F2RL1: variants seen among roughly 807,000 people sequenced by gnomAD.
F2RL1 encodes the protein proteinase-activated receptor 2.
Under a neutral mutation model 21.7 loss-of-function variants are expected in F2RL1, and 16 were observed. The ratio of observed to expected loss-of-function variants is 0.74; its 90% CI spans 0.50 to 1.12. The LOEUF is 1.12. Among genes scored for constraint, F2RL1 ranks in the 50% most tolerant of loss-of-function variants. The pLI, the probability that F2RL1 is intolerant of heterozygous loss-of-function variation, is 0.00. For missense variants in F2RL1, 432 were observed against 477.8 expected (o/e 0.90, Z 0.89); for synonymous variants, 181 against 186.7 (o/e 0.97, Z 0.25).
intron 1 of F2RL1, among the ~76,000 whole-genome samples, chr5:76,831,535 A>ATTTT (rs3053251): frequency 0.038 from 5,096 of 134,090 alleles, 306 homozygotes; most frequent in African/African-American, 0.11. Flanking sequence ...TCCTAAACTG[A>ATTTT]TTTTTTTTTT....
At chr5:76,819,680 C>A (rs1271627816) in intron 1 of F2RL1, among the ~76,000 whole-genome samples, 1 of 152,062 alleles carries the variant, frequency 6.6e-6, no homozygotes, top group African/African-American at 2.4e-5. Flanking sequence ...AGCTTTTTGC[C>A]AACTCCGGAG....
At chr5:76,822,011 G>A (rs72761094) in intron 1 of F2RL1, among the ~76,000 whole-genome samples, 1,854 of 151,974 alleles carry the variant, frequency 0.012, 16 homozygotes, top group Non-Finnish European at 0.018. Flanking sequence ...CTAATATTTC[G>A]GCTTATATAT....
intron 1 of F2RL1, among the ~76,000 whole-genome samples, chr5:76,821,080 T>C (rs993138873): frequency 6.6e-6 from 1 of 152,122 alleles, no homozygotes; most frequent in Non-Finnish European, 1.5e-5. Context: ...GCAGGGCCGA[T>C]TTGGGGTTTG....
Position 76,819,999 on chromosome 5 carries a change from C to T in F2RL1, c.82+735C>T, listed in dbSNP as rs35028859. 6.0e-3 allele frequency among the ~76,000 whole-genome samples: 913 copies of T among 152,260 alleles called. 29 individuals carry two copies. In the East Asian group the frequency reaches 0.09, roughly 15 times the overall value. ...GGATTTACGAGCGGAACTTTTTGGA[C>T]CCTGCCTTATATTTGACCAGTTGAC... On this transcript the variant is annotated intron_variant, in intron 1 of 1. Transcript: ENST00000296677.
At chr5:76,830,668 T>A (rs1750334164) in intron 1 of F2RL1, among the ~76,000 whole-genome samples, 1 of 152,230 alleles carries the variant, frequency 6.6e-6, no homozygotes, top group South Asian at 2.1e-4. Context: ...TCCTTAATTC[T>A]ATCTGCAAAG....
chr5:76,828,223 C>A, intron 1 of F2RL1, among the ~76,000 whole-genome samples: 1 of 152,154 alleles, frequency 6.6e-6, no homozygotes, highest in East Asian at 1.9e-4. Context: ...CCCACCTCGG[C>A]CTCCAATAGT....
At chr5:76,826,971 CT>C (rs1750251503) in intron 1 of F2RL1, among the ~76,000 whole-genome samples, 1 of 151,882 alleles carries the variant, frequency 6.6e-6, no homozygotes, top group Non-Finnish European at 1.5e-5. Flanking sequence ...CTGCCTCAGC[CT>C]TCCTAGTAGT....
chr5:76,824,621 C>G (rs888828442), intron 1 of F2RL1, among the ~76,000 whole-genome samples: 7 of 152,078 alleles, frequency 4.6e-5, no homozygotes, highest in African/African-American at 1.7e-4. Flanking sequence ...GCCACCCTGC[C>G]AGGGCCTGAA....
In F2RL1 at chr5:76,833,829, C is replaced by T. The variant is rs189860773; in HGVS notation, c.*28C>T. On this transcript the variant is annotated 3_prime_UTR_variant, in exon 2 of 2. Coordinates refer to ENST00000296677, the MANE Select transcript of F2RL1 (RefSeq NM_005242.6). ...TTTCCAGGTCCTCAGATGGGAATTGCACAGTAGGATGTGGAACCTGTTTAA... is the reference window on the plus strand; with the variant it reads ...TTTCCAGGTCCTCAGATGGGAATTGTACAGTAGGATGTGGAACCTGTTTAA... 292 of 1,600,092 alleles carry T rather than the reference C, an allele frequency of 1.8e-4. 2 individuals are homozygous for T. The African/African-American group carries it at 3.6e-3, about 20-fold the overall frequency.
In F2RL1 at chr5:76,835,283, A is replaced by T. The variant is rs752294684; in HGVS notation, c.*1482A>T. 2 of 152,240 alleles carry T rather than the reference A, an allele frequency of 1.3e-5. No homozygotes were observed. Among genetic ancestry groups the T allele is most frequent in the African/African-American group, 4.8e-5 (2 of 41,456 alleles). The allele number at this position is 152,240 out of a possible 1,614,324, so 9.4% of individuals were successfully genotyped here. On this transcript the variant is annotated 3_prime_UTR_variant, in exon 2 of 2. Coordinates refer to ENST00000296677, the MANE Select transcript of F2RL1 (RefSeq NM_005242.6). ...AAATAATTATTTTATTGTGTAATTG[A>T]TTTATAAATAACAAAATTTTTTTTA... is the stretch of plus-strand genomic sequence containing the variant.
In F2RL1 at chr5:76,833,808, C is replaced by T; in HGVS notation, c.*7C>T. Reference sequence around the variant, plus strand: ...TGTTAAGACCTCCTATTGAGTTTTCCAGGTCCTCAGATGGGAATTGCACAG... The same window carrying T: ...TGTTAAGACCTCCTATTGAGTTTTCTAGGTCCTCAGATGGGAATTGCACAG... On this transcript the variant is annotated 3_prime_UTR_variant, in exon 2 of 2. Transcript: ENST00000296677. 6.2e-7 allele frequency: 1 copy of T among 1,610,300 alleles called. No homozygotes were observed. Among genetic ancestry groups the T allele is most frequent in the Non-Finnish European group, 8.5e-7 (1 of 1,177,546 alleles).
chr5:76,830,909 A>T (rs539503169), intron 1 of F2RL1, among the ~76,000 whole-genome samples: 2 of 152,280 alleles, frequency 1.3e-5, no homozygotes, highest in Admixed American at 6.5e-5. Flanking sequence ...CAAGCATAAC[A>T]TTATGAGATA....
intron 1 of F2RL1, among the ~76,000 whole-genome samples, chr5:76,821,584 T>G (rs1228503398): frequency 7.9e-6 from 1 of 126,782 alleles, no homozygotes; most frequent in Non-Finnish European, 1.6e-5. Flanking sequence ...TTTGGTTTTT[T>G]GGGTTTTTTT....
chr5:76,831,806 G>T (rs910243682), intron 1 of F2RL1, among the ~76,000 whole-genome samples: 4 of 151,984 alleles, frequency 2.6e-5, no homozygotes, highest in Non-Finnish European at 5.9e-5. Flanking sequence ...GAGATTACAC[G>T]CATGAGCCAC....
chr5:76,819,157 C>G lies in F2RL1; in HGVS notation c.-26C>G, dbSNP rs1209524968. On this transcript the variant is annotated 5_prime_UTR_variant, in exon 1 of 2. Transcript: ENST00000296677. The stretch of plus-strand genomic sequence containing the variant: ...AATCGGCGGCGGCGGATTCCCCGCG[C>G]GCCCGGCGTCGGGGCTTCCAGGAGG... The G allele has an allele frequency of 3.9e-6, 6 of 1,555,722 alleles. No homozygotes were observed. The highest frequency in any genetic ancestry group is 5.2e-6 in the Non-Finnish European group (6 of 1,158,140).
intron 1 of F2RL1, 111 bp downstream of exon 1, chr5:76,819,375 ACCC>A: frequency 1.1e-6 from 1 of 882,482 alleles, no homozygotes. Context: ...TGCTGCCGGC[ACCC>A]ATCTCTACGA....
chr5:76,825,004 ATTTTTTT>A (rs555152159), intron 1 of F2RL1, among the ~76,000 whole-genome samples: 1 of 129,890 alleles, frequency 7.7e-6, no homozygotes, highest in Non-Finnish European at 1.6e-5. Flanking sequence ...GTACATTATA[ATTTTTTT>A]TTTTTTTTTT....
chr5:76,822,016 A>G (rs1261937566), intron 1 of F2RL1, among the ~76,000 whole-genome samples: 3 of 152,252 alleles, frequency 2.0e-5, no homozygotes, highest in African/African-American at 7.2e-5. Flanking sequence ...ATTTCGGCTT[A>G]TATATTTTCC....
rs1391745685 is a variant in F2RL1, at chr5:76,819,187, G to A, written c.5G>A (p.Arg2Gln). ...GGCGTCGGGGCTTCCAGGAGGATGCGGAGCCCCAGCGCGGCGTGGCTGCTG... is the reference window on the plus strand; with the variant it reads ...GGCGTCGGGGCTTCCAGGAGGATGCAGAGCCCCAGCGCGGCGTGGCTGCTG... M[R>Q]SPSAAWLLGA... The change falls in exon 1 of 2, where the codon CGG becomes CAG. Residue 2 changes from arginine (R) to glutamine (Q), a missense_variant. Arg to Gln is a conservative substitution (Grantham distance 43, BLOSUM62 1). Coordinates refer to ENST00000296677, the MANE Select transcript of F2RL1 (RefSeq NM_005242.6). The A allele has an allele frequency of 1.8e-5, 28 of 1,582,884 alleles. No homozygotes were observed. The highest frequency in any genetic ancestry group is 2.4e-5 in the Non-Finnish European group (28 of 1,173,712).
Sources: allele counts gnomAD v4.1 joint callset (sites outside exome capture counted in the v4.1 genomes callset), GRCh38; gene constraint gnomAD v4.1.1; transcripts MANE v1.5; gene names NCBI Gene and HGNC (gene_info 2026-07-23, HGNC 2026-07-21).